ENPP3: variants seen among roughly 807,000 people sequenced by gnomAD.
The protein encoded by ENPP3 is ectonucleotide pyrophosphatase/phosphodiesterase 3.
ENPP3 carries 104 observed loss-of-function variants against 117.8 expected under a neutral mutation model. That is an observed-to-expected ratio of 0.88 (90% CI 0.75 to 1.04). The LOEUF (loss-of-function observed/expected upper bound fraction) is 1.04, where lower values mean the gene tolerates loss of function less well. Ranked by LOEUF, ENPP3 falls within the 50% of genes least tolerant of loss-of-function variation. The pLI, the probability that ENPP3 is intolerant of heterozygous loss-of-function variation, is 0.00. For synonymous variants in ENPP3, 380 were observed against 349.9 expected (o/e 1.09, Z -0.96); for missense variants, 1,026 against 1,051.9 (o/e 0.98, Z 0.34).
rs188633231 is a variant in ENPP3 at position 131,668,515 on chromosome 6, A to T, written c.563-2733A>T. Among the ~76,000 whole-genome samples the T allele has an allele frequency of 5.5e-3, 844 of 152,228 alleles. 6 individuals are homozygous for T. The highest frequency in any genetic ancestry group is 0.017 in the African/African-American group (715 of 41,546). On this transcript the variant is annotated intron_variant, in intron 6 of 24. Coordinates refer to ENST00000357639, the MANE Select transcript of ENPP3 (RefSeq NM_005021.5). Reference sequence around the variant, plus strand: ...CAGACGTGAGCACCGTGCCCGGCCTACATTGCAGTTTTGATCTGTACATTC... The same window carrying T: ...CAGACGTGAGCACCGTGCCCGGCCTTCATTGCAGTTTTGATCTGTACATTC...
rs533860166 is a variant in ENPP3 at position 131,745,219 on chromosome 6, C to T, written c.2458-1567C>T. Among the ~76,000 whole-genome samples, 4 of 150,626 alleles carry T rather than the reference C, an allele frequency of 2.7e-5. No homozygotes were observed. The South Asian group carries it at 8.4e-4, about 32-fold the overall frequency. On this transcript the variant is annotated intron_variant, in intron 24 of 24. Coordinates refer to ENST00000357639, the MANE Select transcript of ENPP3 (RefSeq NM_005021.5). ...CAATAGTAAAGGCAGAAGAGAAAAACTTCTAATTAGATTCCCATTGAAAGA... is the reference window on the plus strand; with the variant it reads ...CAATAGTAAAGGCAGAAGAGAAAAATTTCTAATTAGATTCCCATTGAAAGA...
chr6:131,648,994 CT>C (rs944449100), intron 2 of ENPP3, among the ~76,000 whole-genome samples: 1 of 152,184 alleles, frequency 6.6e-6, no homozygotes, highest in Non-Finnish European at 1.5e-5. Context: ...GAAAACTGAA[CT>C]TCCCTTTTTT....
chr6:131,660,422 T>TTTA (rs1275515239), intron 6 of ENPP3, among the ~76,000 whole-genome samples: 3 of 152,202 alleles, frequency 2.0e-5, no homozygotes, highest in Non-Finnish European at 4.4e-5. Flanking sequence ...AATCACACTC[T>TTTA]AATGAGGCAA....
chr6:131,742,597 G>GAAC (rs895799288), intron 24 of ENPP3, among the ~76,000 whole-genome samples: 31 of 151,758 alleles, frequency 2.0e-4, no homozygotes, highest in Middle Eastern at 3.4e-3. Flanking sequence ...TGATTATCCT[G>GAAC]AACAACAACA....
intron 15 of ENPP3, 120 bp from the exon 16 acceptor site, chr6:131,718,552 G>A (rs893493410): frequency 2.2e-4 from 100 of 446,660 alleles, no homozygotes; most frequent in Non-Finnish European, 4.0e-4. Context: ...ATATTATTCT[G>A]TTGTTGATAA....
chr6:131,658,718 G>C (rs1458665255), intron 6 of ENPP3, among the ~76,000 whole-genome samples: 3 of 152,204 alleles, frequency 2.0e-5, no homozygotes, highest in Admixed American at 6.5e-5. Flanking sequence ...CCTTGAAAGT[G>C]ATGTTTGTCA....
At chr6:131,737,502 TA>T (rs1780424439) in intron 22 of ENPP3, 70 bp downstream of exon 22, 3 of 879,828 alleles carry the variant, frequency 3.4e-6, no homozygotes, top group Non-Finnish European at 5.5e-6. Context: ...ACTAAACACA[TA>T]TTTTTTTAAT....
At chr6:131,685,578 G>T in intron 13 of ENPP3, 83 bp downstream of exon 13, 1 of 1,407,396 alleles carries the variant, frequency 7.1e-7, no homozygotes, top group Non-Finnish European at 9.8e-7. Context: ...GAGGAAGTTG[G>T]GGTTATCAGA....
At chr6:131,714,697 A>AT (rs1008727471) in intron 15 of ENPP3, among the ~76,000 whole-genome samples, 1 of 132,220 alleles carries the variant, frequency 7.6e-6, no homozygotes, top group Non-Finnish European at 1.5e-5. Context: ...ATATATATCA[A>AT]TTTTTTTTCC....
chr6:131,642,584 G>GC (rs149497978), intron 2 of ENPP3, among the ~76,000 whole-genome samples: 2,530 of 152,128 alleles, frequency 0.017, 39 homozygotes, highest in Middle Eastern at 0.027. Context: ...TTTGTTGTTT[G>GC]TTTTTTGAGA....
intron 15 of ENPP3, among the ~76,000 whole-genome samples, chr6:131,697,222 T>G (rs887587556): frequency 3.9e-5 from 6 of 152,180 alleles, no homozygotes; most frequent in African/African-American, 1.4e-4. Flanking sequence ...ACAAAGGACC[T>G]TGTCTGAAAT....
chr6:131,642,021 C>G (rs1419315443), intron 2 of ENPP3, among the ~76,000 whole-genome samples: 2 of 151,764 alleles, frequency 1.3e-5, no homozygotes, highest in Non-Finnish European at 2.9e-5. Context: ...TCTCGAGCTC[C>G]CGGGCTCAAG....
At chr6:131,744,162 G>T (rs1780585512) in intron 24 of ENPP3, among the ~76,000 whole-genome samples, 1 of 152,342 alleles carries the variant, frequency 6.6e-6, no homozygotes, top group East Asian at 1.9e-4. Context: ...CACACTTGGT[G>T]TAAGGAATTA....
rs770306339 is a variant in ENPP3, at chr6:131,733,649, C to T, written c.2015C>T (p.Pro672Leu). Residue 672 changes from proline (P) to leucine (L), a missense_variant, in exon 21 of 25, where the codon CCT (proline) becomes CTT (leucine). By Grantham distance (98) the Pro-to-Leu change is moderately conservative. Coordinates refer to ENST00000357639, the MANE Select transcript of ENPP3 (RefSeq NM_005021.5). Reference sequence around the variant, plus strand: ...TGTCTGCGGGCTGATGTCAGGGTTCCTCCTTCTGAGAGCCAAAAATGTTCC... The same window carrying T: ...TGTCTGCGGGCTGATGTCAGGGTTCTTCCTTCTGAGAGCCAAAAATGTTCC... ...PDCLRADVRV[P>L]PSESQKCSFY... 3.7e-6 allele frequency: 6 copies of T among 1,614,166 alleles called. No individual in the cohort carries two copies. Among genetic ancestry groups the T allele is most frequent in the East Asian group, 4.5e-5 (2 of 44,884 alleles).
intron 6 of ENPP3, among the ~76,000 whole-genome samples, chr6:131,665,121 A>C (rs1045667796): frequency 4.6e-5 from 7 of 152,128 alleles, no homozygotes; most frequent in Admixed American, 4.6e-4. Flanking sequence ...ATGGTGTATA[A>C]TCTTTTCATT....
Position 131,712,104 on chromosome 6 carries a change from C to G in ENPP3, c.1413-6568C>G, listed in dbSNP as rs2114504427. 1.5e-5 allele frequency among the ~76,000 whole-genome samples: 2 copies of G among 131,014 alleles called. 1 individual carries two copies. Among genetic ancestry groups the G allele is most frequent in the South Asian group, 4.6e-4 (2 of 4,338 alleles). The allele number at this position is 131,014 out of a possible 152,430, so 86.0% of individuals were successfully genotyped here. A position where few individuals can be genotyped will look rare whatever the true frequency, so the allele number is the denominator to read the frequency against. On this transcript the variant is annotated intron_variant, in intron 15 of 24. Coordinates refer to ENST00000357639, the MANE Select transcript of ENPP3 (RefSeq NM_005021.5). ...ATCTGACACAACCTGTTTTGTCTTT[C>G]ATTTTTTCTTTCTTTCCTTTATATT...
intron 6 of ENPP3, among the ~76,000 whole-genome samples, chr6:131,660,069 C>T: frequency 6.6e-6 from 1 of 152,166 alleles, no homozygotes; most frequent in South Asian, 2.1e-4. Context: ...AAGCTATGAT[C>T]AGCTAGGCCT....
At position 131,724,064 on chromosome 6, in the gene ENPP3, C is replaced by T. The variant is rs778171765; in HGVS notation, c.1771C>T (p.Gln591Ter). Residue 591 changes from glutamine to a stop codon, truncating the protein, a stop_gained, in exon 19 of 25, where the codon CAG becomes TAG. Coordinates refer to ENST00000357639, the MANE Select transcript of ENPP3 (RefSeq NM_005021.5). LOFTEE classifies it high-confidence loss of function. Reference protein sequence around the residue: ...QNSTQLEQVNQMLNLTQEEIT... With the variant: ...QNSTQLEQVN The stretch of plus-strand genomic sequence containing the variant: ...GAGTACTCAGCTGGAACAAGTGAAT[C>T]AGATGCTAAATCTCACCCAAGAAGA... 24 of 1,612,056 alleles carry T rather than the reference C, an allele frequency of 1.5e-5. No individual in the cohort carries two copies. Among genetic ancestry groups the T allele is most frequent in the Non-Finnish European group, 2.0e-5 (24 of 1,178,456 alleles).
At chr6:131,676,921 C>A in intron 10 of ENPP3, 120 bp downstream of exon 10, 1 of 645,952 alleles carries the variant, frequency 1.5e-6, no homozygotes, top group South Asian at 1.9e-5. Flanking sequence ...CGTGGCATTG[C>A]CTTATAATGG....
Sources: gnomAD v4.1 joint callset for allele counts (sites outside exome capture counted in the v4.1 genomes callset) on GRCh38, gnomAD v4.1.1 for gene constraint, MANE v1.5 for transcripts, NCBI Gene and HGNC (gene_info 2026-07-23, HGNC 2026-07-21) for gene names.